P2RX7: variants seen among roughly 807,000 people sequenced by gnomAD.
The protein encoded by P2RX7 is P2X purinoceptor 7.
Under a neutral mutation model 71.6 loss-of-function variants are expected in P2RX7, and 62 were observed. The ratio of observed to expected loss-of-function variants is 0.87; its 90% CI spans 0.71 to 1.07. The LOEUF is 1.07. Ranked by LOEUF, P2RX7 falls within the 50% of genes least tolerant of loss-of-function variation. The probability of loss-of-function intolerance (pLI) is 0.00; values close to 1 mark genes in which losing one functional copy is unlikely to be tolerated. For missense variants in P2RX7, 686 were observed against 748.5 expected, an observed-to-expected ratio of 0.92 and a Z score of 0.97; for synonymous variants, 299 against 283.3, an observed-to-expected ratio of 1.06 and a Z score of -0.56.
intron 4 of P2RX7, among the ~76,000 whole-genome samples, chr12:121,161,902 A>G (rs1328005383): frequency 6.6e-6 from 1 of 152,010 alleles, no homozygotes; most frequent in Non-Finnish European, 1.5e-5. Flanking sequence ...CCATTACTGC[A>G]TTCTACTCCA....
chr12:121,135,936 G>GGA (rs1873444921), intron 1 of P2RX7, among the ~76,000 whole-genome samples: 1 of 144,092 alleles, frequency 6.9e-6, no homozygotes. Context: ...CCCAGGAGGT[G>GGA]GAGGTTGCAG....
rs918834207 is a variant in P2RX7, at chr12:121,186,948, T to C, written c.*2146T>C. On this transcript the variant is annotated 3_prime_UTR_variant, in exon 13 of 13. Coordinates refer to ENST00000328963, the MANE Select transcript of P2RX7 (RefSeq NM_002562.6). ...AGCTGGCTTTATGCCATTAACACTC[T>C]GTACTTTGCAGCCAATCAGAACTGA... 3.9e-5 allele frequency: 6 copies of C among 152,244 alleles called. No individual in the cohort carries two copies. Among genetic ancestry groups the C allele is most frequent in the Non-Finnish European group, 8.8e-5 (6 of 68,058 alleles). 9.4% of individuals were successfully genotyped at this position (152,244 alleles called of 1,614,324 possible). A position where few individuals can be genotyped will look rare whatever the true frequency, so the allele number is the denominator to read the frequency against.
intron 1 of P2RX7, among the ~76,000 whole-genome samples, chr12:121,138,195 C>T (rs113405127): frequency 6.6e-6 from 1 of 152,342 alleles, no homozygotes; most frequent in Non-Finnish European, 1.5e-5. Context: ...GTGCTGTCCT[C>T]GGACGTGGAT....
At chr12:121,157,917 G>A (rs972141389) in intron 3 of P2RX7, among the ~76,000 whole-genome samples, 3 of 152,208 alleles carry the variant, frequency 2.0e-5, no homozygotes, top group African/African-American at 7.2e-5. Context: ...ATGAATGTCA[G>A]TTGTTATGAT....
Position 121,174,168 on chromosome 12 carries a change from G to A in P2RX7, c.882-1220G>A, listed in dbSNP as rs573910973. On this transcript the variant is annotated intron_variant, in intron 8 of 12. Transcript: ENST00000328963. ...GTTCAAGTGATTCTCGTGCCTCAGC[G>A]TCCTGAGTAGCTGGGATTACAGGTG... 5.4e-5 allele frequency among the ~76,000 whole-genome samples: 8 copies of A among 148,044 alleles called. No homozygotes were observed. In the East Asian group the frequency reaches 8.0e-4, roughly 15 times the overall value.
At chr12:121,137,959 G>C (rs1164699630) in intron 1 of P2RX7, among the ~76,000 whole-genome samples, 3 of 152,210 alleles carry the variant, frequency 2.0e-5, no homozygotes, top group Non-Finnish European at 4.4e-5. Flanking sequence ...TAACCAAGAG[G>C]CTGTTCAGCT....
intron 3 of P2RX7, among the ~76,000 whole-genome samples, chr12:121,160,162 T>C (rs1879382106): frequency 6.6e-6 from 1 of 152,014 alleles, no homozygotes. Context: ...TTCTTTCTTT[T>C]TTTAGGTGGA....
At chr12:121,183,190 T>A (rs924004433) in intron 12 of P2RX7, among the ~76,000 whole-genome samples, 9 of 143,858 alleles carry the variant, frequency 6.3e-5, no homozygotes, top group Non-Finnish European at 4.6e-5. Context: ...AAAAAAAAAA[T>A]TCTTTCTCTA....
chr12:121,155,085 C>G, intron 2 of P2RX7, 132 bp downstream of exon 2: 1 of 1,485,710 alleles, frequency 6.7e-7, no homozygotes. Context: ...TGTGAACATC[C>G]CAACTGAGAA....
intron 1 of P2RX7, among the ~76,000 whole-genome samples, chr12:121,143,330 G>C (rs1332966686): frequency 6.6e-6 from 1 of 152,004 alleles, no homozygotes; most frequent in Non-Finnish European, 1.5e-5. Context: ...GGAGGCAGAG[G>C]GTGCAGTGAG....
chr12:121,165,694 G>T (rs571010859), intron 6 of P2RX7, among the ~76,000 whole-genome samples: 2 of 152,184 alleles, frequency 1.3e-5, no homozygotes, highest in Non-Finnish European at 2.9e-5. Context: ...ACAGTTGCTC[G>T]TGGGAGAGCT....
At position 121,154,961 on chromosome 12, in the gene P2RX7, C is replaced by T. The variant is rs548882788; in HGVS notation, c.294+8C>T. The T allele has an allele frequency of 3.7e-6, 6 of 1,613,948 alleles. No homozygotes were observed. In the East Asian group the frequency reaches 8.9e-5, roughly 24 times the overall value. ...TACACCTTCCCTTTGCAGGTGAGCA[C>T]CTCGTAGCATTCTCCCAGGCTCGTC... On this transcript the variant is annotated splice_region_variant and intron_variant, in intron 2 of 12. Coordinates refer to ENST00000328963, the MANE Select transcript of P2RX7 (RefSeq NM_002562.6). This position sits in a 1 kb window ranked among gnomAD's most constrained non-coding sequence, Gnocchi z 4.2.
At chr12:121,141,127 T>C (rs1471687060) in intron 1 of P2RX7, among the ~76,000 whole-genome samples, 1 of 152,110 alleles carries the variant, frequency 6.6e-6, no homozygotes, top group Non-Finnish European at 1.5e-5. Context: ...AGGCAAGCAA[T>C]TAAAACACCT....
At chr12:121,162,662 T>G (rs17435031) in intron 5 of P2RX7, 142 bp downstream of exon 5, 36,322 of 862,360 alleles carry the variant, frequency 0.042, 1,010 homozygotes, top group Non-Finnish European at 0.049. Context: ...GCGCTCTGGA[T>G]GCACTGCTTG....
In P2RX7 at chr12:121,163,358, G is replaced by GCACACA. The variant is rs1352653146; in HGVS notation, c.533+853_533+858dup. Among the ~76,000 whole-genome samples the GCACACA allele has an allele frequency of 1.0e-3, 104 of 100,544 alleles. 1 individual carries two copies. The highest frequency in any genetic ancestry group is 2.6e-3 in the African/African-American group (88 of 34,438). 66.0% of individuals were successfully genotyped at this position (100,544 alleles called of 152,430 possible). A position where few individuals can be genotyped will look rare whatever the true frequency, so the allele number is the denominator to read the frequency against. On this transcript the variant is annotated intron_variant, in intron 5 of 12. Coordinates refer to ENST00000328963, the MANE Select transcript of P2RX7 (RefSeq NM_002562.6). ...CACACACACACACACACACACACAC[G>GCACACA]CACACACACACACACACACAATCTA...
chr12:121,141,378 C>A (rs1434654175), intron 1 of P2RX7, among the ~76,000 whole-genome samples: 8 of 152,232 alleles, frequency 5.3e-5, no homozygotes, highest in Non-Finnish European at 1.0e-4. Context: ...TGGGCTGGAG[C>A]CTCCCAGCCC....
In P2RX7 at chr12:121,166,113, C is replaced by G. The variant is rs146402035; in HGVS notation, c.670C>G (p.Pro224Ala). 100 of 1,613,844 alleles carry G rather than the reference C, an allele frequency of 6.2e-5. No individual in the cohort carries two copies. The highest frequency in any genetic ancestry group is 7.9e-5 in the Non-Finnish European group (93 of 1,179,730). Residue 224 changes from proline (P) to alanine (A), a missense_variant, in exon 7 of 13, where the codon CCA becomes GCA. Coordinates refer to ENST00000328963, the MANE Select transcript of P2RX7 (RefSeq NM_002562.6). ...TTGTACCTTCCACAAGACTCAGAATCCACAGTGTCCCATTTTCCGACTAGG... is the reference window on the plus strand; with the variant it reads ...TTGTACCTTCCACAAGACTCAGAATGCACAGTGTCCCATTTTCCGACTAGG... ...ITCTFHKTQN[P>A]QCPIFRLGDI...
chr12:121,147,091 G>T (rs1178405235), intron 1 of P2RX7, among the ~76,000 whole-genome samples: 1 of 152,178 alleles, frequency 6.6e-6, no homozygotes, highest in Non-Finnish European at 1.5e-5. Flanking sequence ...AAAATTAATT[G>T]TGTGGGTTTT....
intron 12 of P2RX7, among the ~76,000 whole-genome samples, chr12:121,182,674 C>T (rs372476063): frequency 6.6e-6 from 1 of 152,278 alleles, no homozygotes; most frequent in Admixed American, 6.5e-5. Context: ...GAAAGTTGCT[C>T]TGGGTGAGTC....
Sources: allele counts gnomAD v4.1 joint callset (sites outside exome capture counted in the v4.1 genomes callset), GRCh38; gene constraint gnomAD v4.1.1; non-coding constraint Gnocchi (gnomAD v3.1); transcripts MANE v1.5; gene names NCBI Gene and HGNC (gene_info 2026-07-23, HGNC 2026-07-21).